IDE: variants seen among roughly 807,000 people sequenced by gnomAD.
IDE encodes the protein insulin degrading enzyme.
In IDE, 58 loss-of-function variants were observed where a neutral mutation model predicts 133.2. The ratio of observed to expected loss-of-function variants is 0.44; its 90% CI spans 0.35 to 0.54. The LOEUF is 0.54. Ranked by LOEUF, IDE falls within the 20% of genes least tolerant of loss-of-function variation. The pLI is 0.00. For synonymous variants in IDE, 396 were observed against 421.3 expected (o/e 0.94, Z 0.73); for missense variants, 981 against 1,234.0 (o/e 0.79, Z 3.07).
intron 19 of IDE, among the ~76,000 whole-genome samples, chr10:92,466,665 T>A (rs1414904745): frequency 6.7e-6 from 1 of 149,826 alleles, no homozygotes; most frequent in Non-Finnish European, 1.5e-5. Flanking sequence ...TCACCCAGGC[T>A]GGAGTGCAGT....
At chr10:92,458,049 C>A (rs1277858745) in intron 22 of IDE, among the ~76,000 whole-genome samples, 1 of 152,172 alleles carries the variant, frequency 6.6e-6, no homozygotes, top group African/African-American at 2.4e-5. Flanking sequence ...CCCTTGTCTA[C>A]CCACATCAGC....
chr10:92,572,746 G>A (rs1486917331), intron 1 of IDE, among the ~76,000 whole-genome samples: 1 of 151,966 alleles, frequency 6.6e-6, no homozygotes, highest in Admixed American at 6.6e-5. Context: ...CAGACTAATC[G>A]GCTCACTGCT....
chr10:92,509,522 A>G (rs1451827367), intron 6 of IDE, among the ~76,000 whole-genome samples: 1 of 151,964 alleles, frequency 6.6e-6, no homozygotes, highest in Non-Finnish European at 1.5e-5. Context: ...GAACCTGGGA[A>G]GCAGAGGTTG....
chr10:92,553,078 C>T (rs1842865437), intron 1 of IDE, among the ~76,000 whole-genome samples: 1 of 151,762 alleles, frequency 6.6e-6, no homozygotes, highest in Non-Finnish European at 1.5e-5. Context: ...ACTGAATTTT[C>T]AGCCGTAAGT....
rs1311533477 is a variant in IDE at position 92,465,919 on chromosome 10, C to T, written c.2321-76G>A. The T allele has an allele frequency of 3.4e-6, 4 of 1,192,178 alleles. No individual in the cohort carries two copies. The Admixed American group carries it at 7.2e-5, about 21-fold the overall frequency. 73.8% of individuals were successfully genotyped at this position (1,192,178 alleles called of 1,614,324 possible). On this transcript the variant is annotated intron_variant, in intron 19 of 24. Coordinates refer to ENST00000265986, the MANE Select transcript of IDE (RefSeq NM_004969.4). ...TAATAAAGTCAATGCTATGTCTGCC[C>T]ACACTTACAGATGATAATTTAGACA...
chr10:92,490,216 GC>G (rs1401896174), intron 12 of IDE, among the ~76,000 whole-genome samples: 2 of 152,218 alleles, frequency 1.3e-5, no homozygotes, highest in Admixed American at 1.3e-4. Context: ...CCTTTCTGGT[GC>G]CTGTGCCCAT....
chr10:92,552,153 T>C (rs760682801), intron 1 of IDE, among the ~76,000 whole-genome samples: 3 of 152,150 alleles, frequency 2.0e-5, no homozygotes, highest in South Asian at 2.1e-4. Flanking sequence ...AACTTAACTA[T>C]GGAAAGCTGG....
At chr10:92,519,631 G>A (rs1381628705) in intron 4 of IDE, among the ~76,000 whole-genome samples, 1 of 152,128 alleles carries the variant, frequency 6.6e-6, no homozygotes, top group Non-Finnish European at 1.5e-5. Context: ...TGTAAAATAG[G>A]GATAATATGG....
intron 19 of IDE, among the ~76,000 whole-genome samples, chr10:92,466,757 A>G (rs1234570621): frequency 1.3e-5 from 2 of 151,550 alleles, no homozygotes; most frequent in Non-Finnish European, 2.9e-5. Context: ...AGCCGGGATT[A>G]CAGGTGCCTG....
chr10:92,510,546 T>G (rs1848526092), intron 5 of IDE, among the ~76,000 whole-genome samples: 1 of 151,996 alleles, frequency 6.6e-6, no homozygotes. Flanking sequence ...TATTTGCATT[T>G]TATTTATAAA....
chr10:92,546,349 C>G (rs1054989211), intron 1 of IDE, among the ~76,000 whole-genome samples: 1 of 152,136 alleles, frequency 6.6e-6, no homozygotes, highest in African/African-American at 2.4e-5. Context: ...TTAAGTTGAA[C>G]ACTGCCATCT....
chr10:92,525,825 A>G (rs548815656), intron 4 of IDE, among the ~76,000 whole-genome samples: 161 of 151,924 alleles, frequency 1.1e-3, no homozygotes, highest in Middle Eastern at 6.8e-3. Flanking sequence ...CAAACACACA[A>G]CAAAAAAGCC....
At chr10:92,558,739 C>G (rs187065508) in intron 1 of IDE, 2 of 151,984 alleles carry the variant, frequency 1.3e-5, no homozygotes, top group Non-Finnish European at 2.9e-5. Context: ...GGGTTACAGG[C>G]GTGTACCACC....
intron 1 of IDE, among the ~76,000 whole-genome samples, chr10:92,542,268 C>T (rs1355067024): frequency 6.6e-6 from 1 of 152,212 alleles, no homozygotes; most frequent in African/African-American, 2.4e-5. Flanking sequence ...GATCCTCCCA[C>T]CTCAGCCTCC....
chr10:92,541,210 AC>A (rs757656981), intron 1 of IDE: 29 of 314,320 alleles, frequency 9.2e-5, no homozygotes, highest in Middle Eastern at 4.0e-4. Flanking sequence ...TTCAAACAAA[AC>A]CTATTCCTGG....
chr10:92,564,712 T>TAAAAAAAAAAAAAAAAA (rs1843445355), intron 1 of IDE, among the ~76,000 whole-genome samples: 1 of 59,046 alleles, frequency 1.7e-5, no homozygotes. Flanking sequence ...AAAAAAAAAC[T>TAAAAAAAAAAAAAAAAA]GAAACTGTAC....
intron 20 of IDE, among the ~76,000 whole-genome samples, 198 bp from the exon 21 acceptor site, chr10:92,464,201 A>G (rs1845549302): frequency 6.6e-6 from 1 of 152,194 alleles, no homozygotes. Flanking sequence ...AGAATTACAA[A>G]GTTGGAGATG....
At chr10:92,564,391 G>C (rs1843421737) in intron 1 of IDE, among the ~76,000 whole-genome samples, 1 of 152,050 alleles carries the variant, frequency 6.6e-6, no homozygotes, top group Admixed American at 6.6e-5. Flanking sequence ...ACTGTACTAG[G>C]CCGGGCAAGG....
intron 12 of IDE, among the ~76,000 whole-genome samples, chr10:92,487,565 A>G (rs1847079462): frequency 6.6e-6 from 1 of 152,210 alleles, no homozygotes; most frequent in Non-Finnish European, 1.5e-5. Flanking sequence ...CTCCAAAATG[A>G]CCAGCTGAGG....
Sources: gnomAD v4.1 joint callset for allele counts (sites outside exome capture counted in the v4.1 genomes callset) on GRCh38, gnomAD v4.1.1 for gene constraint, MANE v1.5 for transcripts, NCBI Gene and HGNC (gene_info 2026-07-23, HGNC 2026-07-21) for gene names.